Variants in PRKN observed in about 807,000 individuals in gnomAD.
PRKN encodes the protein parkin RBR E3 ubiquitin protein ligase.
A neutral mutation model predicts 59.5 loss-of-function variants in PRKN; 56 were observed. That is an observed-to-expected ratio of 0.94 (90% CI 0.76 to 1.18). The LOEUF is 1.18. Ranked by LOEUF, PRKN falls within the 50% of genes most tolerant of loss-of-function variation. The pLI, the probability that PRKN is intolerant of heterozygous loss-of-function variation, is 0.00. For missense variants in PRKN, 657 were observed against 596.4 expected (o/e 1.10, Z -1.06); for synonymous variants, 250 against 222.1 (o/e 1.13, Z -1.12).
chr6:161,514,549 G>A (rs1310111487), intron 9 of PRKN, among the ~76,000 whole-genome samples: 1 of 152,242 alleles, frequency 6.6e-6, no homozygotes, highest in Non-Finnish European at 1.5e-5. Flanking sequence ...GGGACAAGGT[G>A]ACAAAAAGCA....
intron 1 of PRKN, among the ~76,000 whole-genome samples, chr6:162,649,464 G>C (rs1288131692): frequency 2.6e-5 from 4 of 152,056 alleles, no homozygotes; most frequent in Admixed American, 6.6e-5. Context: ...TAAGTCTCTA[G>C]TGAAACTGAA....
intron 3 of PRKN, among the ~76,000 whole-genome samples, chr6:162,246,052 C>A (rs1779179468): frequency 1.3e-5 from 2 of 152,138 alleles, no homozygotes; most frequent in African/African-American, 4.8e-5. Context: ...AAATTCTCTA[C>A]ATGGCTTTGC....
intron 1 of PRKN, among the ~76,000 whole-genome samples, chr6:162,544,656 ATTTAC>A (rs1479644287): frequency 8.9e-6 from 1 of 112,232 alleles, no homozygotes; most frequent in Non-Finnish European, 1.9e-5. Context: ...TTTATTTTTT[ATTTAC>A]TTTATTGTTG....
At chr6:161,986,015 G>A (rs1781423116) in intron 5 of PRKN, among the ~76,000 whole-genome samples, 1 of 152,160 alleles carries the variant, frequency 6.6e-6, no homozygotes, top group Admixed American at 6.5e-5. Flanking sequence ...CCTCAATTAT[G>A]TCCGGTGCCT....
intron 1 of PRKN, among the ~76,000 whole-genome samples, chr6:162,496,180 T>G (rs1793057315): frequency 6.6e-6 from 1 of 151,080 alleles, no homozygotes; most frequent in Non-Finnish European, 1.5e-5. Context: ...GATGTTGCAG[T>G]GAGCCAAGAT....
intron 4 of PRKN, among the ~76,000 whole-genome samples, chr6:162,173,718 C>G (rs968922323): frequency 1.3e-5 from 2 of 152,152 alleles, no homozygotes; most frequent in Non-Finnish European, 2.9e-5. Flanking sequence ...GTCATAGTCT[C>G]CTGGGGATGA....
At chr6:162,059,100 TA>T (rs201122172) in intron 4 of PRKN, among the ~76,000 whole-genome samples, 3 of 152,220 alleles carry the variant, frequency 2.0e-5, no homozygotes, top group Non-Finnish European at 4.4e-5. Flanking sequence ...CACAGATGTT[TA>T]TTTTTTCATA....
At chr6:161,698,520 T>C (rs1043348229) in intron 7 of PRKN, among the ~76,000 whole-genome samples, 1 of 152,140 alleles carries the variant, frequency 6.6e-6, no homozygotes, top group Non-Finnish European at 1.5e-5. Context: ...TAAACTGTTT[T>C]TTTAAAAGGA....
chr6:162,388,537 A>C (rs1312365257), intron 2 of PRKN, among the ~76,000 whole-genome samples: 1 of 152,166 alleles, frequency 6.6e-6, no homozygotes, highest in African/African-American at 2.4e-5. Context: ...TTCCTAACTC[A>C]GGTCAAAAGG....
chr6:162,649,601 A>T (rs1311220470), intron 1 of PRKN, among the ~76,000 whole-genome samples: 1 of 152,118 alleles, frequency 6.6e-6, no homozygotes, highest in Admixed American at 6.5e-5. Flanking sequence ...TCGGTTACAC[A>T]TTATAAAAAG....
intron 1 of PRKN, among the ~76,000 whole-genome samples, chr6:162,455,967 G>A (rs1368630399): frequency 1.3e-5 from 2 of 152,042 alleles, no homozygotes; most frequent in Admixed American, 6.5e-5. Context: ...TTGAATAGGT[G>A]AATGTCTCTA....
Position 161,357,969 on chromosome 6 carries a change from C to T in PRKN, c.1285+2119G>A, listed in dbSNP as rs1029488014. Among the ~76,000 whole-genome samples the T allele has an allele frequency of 2.6e-5, 4 of 152,220 alleles. No homozygotes were observed. Among genetic ancestry groups the T allele is most frequent in the African/African-American group, 7.2e-5 (3 of 41,440 alleles). On this transcript the variant is annotated intron_variant, in intron 11 of 11. Transcript: ENST00000366898. The surrounding 1 kb of genome is among the most constrained non-coding windows in gnomAD (Gnocchi z 5.5). ...GTCCATGGCAGAGTCCTAACTCCTG[C>T]AACACTGCAGTGCCGGGCTGTGTGA... is the stretch of plus-strand genomic sequence containing the variant.
chr6:161,407,225 GATGTTA>G lies in PRKN; in HGVS notation c.1084-20354_1084-20349del, dbSNP rs1235727673. ...TACCAAAATTATAACTGCTAAGAGA[GATGTTA>G]ATGGTAATTAATCATGAGTGAGTCA... On this transcript the variant is annotated intron_variant, in intron 9 of 11. Coordinates refer to ENST00000366898, the MANE Select transcript of PRKN (RefSeq NM_004562.3). The surrounding 1 kb of genome is among the most constrained non-coding windows in gnomAD (Gnocchi z 4.9). Among the ~76,000 whole-genome samples, 3 of 152,180 alleles carry G rather than the reference GATGTTA, an allele frequency of 2.0e-5. No homozygotes were observed. The highest frequency in any genetic ancestry group is 7.2e-5 in the African/African-American group (3 of 41,522).
At chr6:162,069,889 T>G (rs1295386162) in intron 4 of PRKN, among the ~76,000 whole-genome samples, 1 of 152,192 alleles carries the variant, frequency 6.6e-6, no homozygotes, top group Non-Finnish European at 1.5e-5. Flanking sequence ...GAAAAAACTT[T>G]ATATGGTATA....
chr6:162,222,803 G>A (rs1426340490), intron 3 of PRKN, among the ~76,000 whole-genome samples: 2 of 151,976 alleles, frequency 1.3e-5, no homozygotes, highest in Non-Finnish European at 2.9e-5. Flanking sequence ...TGACTAATAC[G>A]TGTGGCTGGT....
intron 2 of PRKN, among the ~76,000 whole-genome samples, chr6:162,405,646 G>A (rs1018863288): frequency 2.0e-5 from 3 of 152,102 alleles, no homozygotes; most frequent in African/African-American, 7.2e-5. Flanking sequence ...AACCCATTAG[G>A]GTGGACCCGA....
At chr6:162,370,578 GGTGAA>G (rs1785711986) in intron 2 of PRKN, among the ~76,000 whole-genome samples, 1 of 152,204 alleles carries the variant, frequency 6.6e-6, no homozygotes, top group Non-Finnish European at 1.5e-5. Flanking sequence ...GAGAAAGAAA[GGTGAA>G]TCTACTTAGA....
At chr6:161,477,237 G>C (rs1339979199) in intron 9 of PRKN, among the ~76,000 whole-genome samples, 2 of 152,206 alleles carry the variant, frequency 1.3e-5, no homozygotes, top group African/African-American at 4.8e-5. Context: ...ATGGGACTTG[G>C]CCAGGCGCGG....
intron 6 of PRKN, among the ~76,000 whole-genome samples, chr6:161,906,031 T>C (rs1583327646): frequency 6.6e-6 from 1 of 151,914 alleles, no homozygotes; most frequent in East Asian, 1.9e-4. Flanking sequence ...AGGGTCTCAC[T>C]ATGTTGCCCA....
Sources: gnomAD v4.1 joint callset for allele counts (sites outside exome capture counted in the v4.1 genomes callset) on GRCh38, gnomAD v4.1.1 for gene constraint, Gnocchi (gnomAD v3.1) non-coding constraint, MANE v1.5 for transcripts, NCBI Gene and HGNC (gene_info 2026-07-23, HGNC 2026-07-21) for gene names.